METTL22: variants seen among roughly 807,000 people sequenced by gnomAD.
METTL22 encodes methyltransferase-like protein 22.
METTL22 carries 51 observed loss-of-function variants against 48.4 expected under a neutral mutation model. That is an observed-to-expected ratio of 1.05 (90% confidence interval 0.84 to 1.33). The LOEUF (loss-of-function observed/expected upper bound fraction) is 1.33, where lower values mean the gene tolerates loss of function less well. Among genes scored for constraint, METTL22 ranks in the 40% most tolerant of loss-of-function variants. The probability of loss-of-function intolerance (pLI) is 0.00; values close to 1 mark genes in which losing one functional copy is unlikely to be tolerated. For synonymous variants in METTL22, 255 were observed against 214.1 expected (o/e 1.19, Z -1.67); for missense variants, 678 against 526.9 (o/e 1.29, Z -2.81).
rs112192816 is a variant in METTL22, at chr16:8,636,116, C to G, written c.700+804C>G. 6.1e-3 allele frequency among the ~76,000 whole-genome samples: 933 copies of G among 152,260 alleles called. 8 individuals carry two copies. Among genetic ancestry groups the G allele is most frequent in the African/African-American group, 0.02 (845 of 41,548 alleles). ...GGGAAGCTTTAATCCCCCACCCCTCCCACCGTGTCACCTTCTGGAATCCCC... is the reference window on the plus strand; with the variant it reads ...GGGAAGCTTTAATCCCCCACCCCTCGCACCGTGTCACCTTCTGGAATCCCC... On this transcript the variant is annotated intron_variant, in intron 5 of 10. Transcript: ENST00000381920.
At chr16:8,630,491 T>C (rs1328351083) in intron 3 of METTL22, among the ~76,000 whole-genome samples, 1 of 151,954 alleles carries the variant, frequency 6.6e-6, no homozygotes, top group Non-Finnish European at 1.5e-5. Flanking sequence ...TTCCACATCA[T>C]GGGGGCAGAG....
intron 3 of METTL22, chr16:8,631,888 C>T (rs2056275409): frequency 6.6e-6 from 1 of 152,260 alleles, no homozygotes; most frequent in South Asian, 2.1e-4. Flanking sequence ...CCCTAAGTCA[C>T]CTGGGCCTCC....
At chr16:8,651,470 G>A (rs2141836606), downstream of METTL22, among the ~76,000 whole-genome samples, 1 of 150,150 alleles carries the variant, frequency 6.7e-6, no homozygotes, top group Admixed American at 6.7e-5. Flanking sequence ...TCATTAAATT[G>A]CAGACTTAGT....
chr16:8,665,346 T>C, the METTL22 span, among the ~76,000 whole-genome samples: 1 of 151,940 alleles, frequency 6.6e-6, no homozygotes, highest in Non-Finnish European at 1.5e-5. Context: ...GACAAATGCC[T>C]GAGAAGGAAC....
chr16:8,647,397 C>G lies in METTL22; in HGVS notation c.*1254C>G, dbSNP rs778603701. The G allele has an allele frequency of 4.6e-5, 7 of 152,324 alleles. No individual in the cohort carries two copies. Among genetic ancestry groups the G allele is most frequent in the Non-Finnish European group, 1.0e-4 (7 of 68,152 alleles). The allele number at this position is 152,324 out of a possible 1,614,324, so 9.4% of individuals were successfully genotyped here. A position where few individuals can be genotyped will look rare whatever the true frequency, so the allele number is the denominator to read the frequency against. ...TGTATGGTCTGGCAAACAGTAGATG[C>G]TCAACACATATTGTTGAATGAATTG... On this transcript the variant is annotated 3_prime_UTR_variant, in exon 11 of 11. Coordinates refer to ENST00000381920, the MANE Select transcript of METTL22 (RefSeq NM_024109.4).
chr16:8,651,741 G>A (rs2056901084), downstream of METTL22, among the ~76,000 whole-genome samples: 1 of 152,190 alleles, frequency 6.6e-6, no homozygotes, highest in Non-Finnish European at 1.5e-5. Flanking sequence ...CATGATTTTG[G>A]AGGACCTGGG....
At chr16:8,649,890 C>G (rs937198020), downstream of METTL22, among the ~76,000 whole-genome samples, 2 of 152,188 alleles carry the variant, frequency 1.3e-5, no homozygotes, top group African/African-American at 4.8e-5. Flanking sequence ...CACTTGGGAT[C>G]TTGTCAAAAT....
chr16:8,664,262 T>A, the METTL22 span, among the ~76,000 whole-genome samples: 1 of 152,028 alleles, frequency 6.6e-6, no homozygotes, highest in South Asian at 2.1e-4. Context: ...GCATTTTCTA[T>A]TTCTTTGCAA....
chr16:8,657,815 C>CTTTTTTTTTTTTTT, the METTL22 span, among the ~76,000 whole-genome samples: 2 of 104,838 alleles, frequency 1.9e-5, no homozygotes, highest in Non-Finnish European at 3.7e-5. Flanking sequence ...TTTTTCTTTT[C>CTTTTTTTTTTTTTT]TTTTCTTTCT....
chr16:8,626,036 A>T (rs1227851151), intron 2 of METTL22, among the ~76,000 whole-genome samples: 1 of 152,050 alleles, frequency 6.6e-6, no homozygotes, highest in Non-Finnish European at 1.5e-5. Context: ...TCACTCTGTC[A>T]CCCAGTCTGG....
rs376727943 is a variant in METTL22, at chr16:8,638,985, A to C, written c.701-106A>C. 242 of 1,115,888 alleles carry C rather than the reference A, an allele frequency of 2.2e-4. 5 individuals are homozygous for C. In the East Asian group the frequency reaches 4.0e-3, roughly 19 times the overall value. The allele number at this position is 1,115,888 out of a possible 1,614,324, so 69.1% of individuals were successfully genotyped here. The stretch of plus-strand genomic sequence containing the variant: ...AGACACATAGGAGAAACGTTTCTCT[A>C]ATTTCTGCAGTTGTGCTGTTGATCA... On this transcript the variant is annotated intron_variant, in intron 5 of 10. Transcript: ENST00000381920.
chr16:8,645,827 C>A, intron 10 of METTL22: 1 of 826,938 alleles, frequency 1.2e-6, no homozygotes, highest in Non-Finnish European at 1.6e-6. Context: ...GATACGGCAA[C>A]TCACTGCTAT....
In METTL22 at chr16:8,628,906, A is replaced by G. The variant is rs375621636; in HGVS notation, c.310A>G (p.Thr104Ala). The G allele has an allele frequency of 5.0e-6, 8 of 1,613,850 alleles. No individual in the cohort carries two copies. Among genetic ancestry groups the G allele is most frequent in the Non-Finnish European group, 6.8e-6 (8 of 1,179,968 alleles). ...TGAGGGTTTCTCCCTCCAGGCCGGGACTGACACCACTGGCCAGGAAGTGGC... is the reference window on the plus strand; with the variant it reads ...TGAGGGTTTCTCCCTCCAGGCCGGGGCTGACACCACTGGCCAGGAAGTGGC... ...GNEGFSLQAGTDTTGQEVAEA... is the reference protein window; with the variant it reads ...GNEGFSLQAGADTTGQEVAEA... The change falls in exon 3 of 11, where the codon ACT becomes GCT. Residue 104 changes from threonine to alanine, a missense_variant. Coordinates refer to ENST00000381920, the MANE Select transcript of METTL22 (RefSeq NM_024109.4).
At chr16:8,661,832 C>T in the METTL22 span, among the ~76,000 whole-genome samples, 1 of 144,666 alleles carries the variant, frequency 6.9e-6, no homozygotes, top group Non-Finnish European at 1.5e-5. Flanking sequence ...TTTGGCCTCT[C>T]AAAATGCTGG....
chr16:8,634,030 G>C (rs545835139), intron 3 of METTL22, among the ~76,000 whole-genome samples: 2 of 152,348 alleles, frequency 1.3e-5, no homozygotes, highest in Non-Finnish European at 2.9e-5. Flanking sequence ...TTAGGACGTA[G>C]CAATCTGAAG....
At chr16:8,631,615 A>T (rs1234603977) in intron 3 of METTL22, 1 of 152,200 alleles carries the variant, frequency 6.6e-6, no homozygotes, top group Non-Finnish European at 1.5e-5. Flanking sequence ...AGCTGGGAGG[A>T]GGGAGACTGG....
intron 2 of METTL22, among the ~76,000 whole-genome samples, chr16:8,628,273 C>T (rs1346746222): frequency 3.9e-5 from 6 of 152,184 alleles, no homozygotes; most frequent in Admixed American, 2.0e-4. Flanking sequence ...GTACTTGGCA[C>T]ACAGTGTTCG....
chr16:8,636,903 T>G (rs1419377192), intron 5 of METTL22, among the ~76,000 whole-genome samples: 2 of 152,236 alleles, frequency 1.3e-5, no homozygotes, highest in African/African-American at 4.8e-5. Context: ...CAAAAGGAGT[T>G]GTTAAAATAA....
intron 9 of METTL22, 124 bp from the exon 10 acceptor site, chr16:8,644,433 G>C: frequency 1.1e-6 from 1 of 929,786 alleles, no homozygotes; most frequent in South Asian, 1.8e-5. Flanking sequence ...TGAGACAGGC[G>C]CTCAGTAAAA....
Sources: gnomAD v4.1 joint callset for allele counts (sites outside exome capture counted in the v4.1 genomes callset) on GRCh38, gnomAD v4.1.1 for gene constraint, MANE v1.5 for transcripts, NCBI Gene and HGNC (gene_info 2026-07-23, HGNC 2026-07-21) for gene names.